DPP6: variants seen among roughly 807,000 people sequenced by gnomAD.
DPP6 encodes the protein A-type potassium channel modulatory protein DPP6.
Under a neutral mutation model 122.6 loss-of-function variants are expected in DPP6, and 69 were observed. That is an observed-to-expected ratio of 0.56 (90% CI 0.46 to 0.69). The LOEUF (loss-of-function observed/expected upper bound fraction) is 0.69, where lower values mean the gene tolerates loss of function less well. Ranked by LOEUF, DPP6 falls within the 30% of genes least tolerant of loss-of-function variation. The pLI is 0.00. For missense variants in DPP6, 928 were observed against 1,116.9 expected (o/e 0.83, Z 2.41); for synonymous variants, 418 against 433.1 (o/e 0.97, Z 0.43).
intron 4 of DPP6, among the ~76,000 whole-genome samples, chr7:154,551,189 T>G (rs1057321721): frequency 3.9e-5 from 6 of 152,236 alleles, no homozygotes; most frequent in Non-Finnish European, 2.9e-5. Flanking sequence ...ACCTGAAAAC[T>G]GACCAAATTG....
chr7:154,342,993 G>A (rs562471923), intron 1 of DPP6, among the ~76,000 whole-genome samples: 1 of 152,348 alleles, frequency 6.6e-6, no homozygotes, highest in South Asian at 2.1e-4. Flanking sequence ...TGCCTCACTT[G>A]AAGGCATTTC....
At chr7:154,170,242 T>C (rs2150727005) in intron 1 of DPP6, among the ~76,000 whole-genome samples, 1 of 152,272 alleles carries the variant, frequency 6.6e-6, no homozygotes. Context: ...TAGCCCATCC[T>C]AAAAAGGCCC....
At chr7:153,951,508 G>C (rs776002595) in intron 1 of DPP6, among the ~76,000 whole-genome samples, 19 of 152,152 alleles carry the variant, frequency 1.2e-4, no homozygotes, top group Non-Finnish European at 2.5e-4. Flanking sequence ...CTCAAATGGA[G>C]TGACCCAGGT....
chr7:154,083,545 A>G (rs1305605238), intron 1 of DPP6, among the ~76,000 whole-genome samples: 2 of 150,250 alleles, frequency 1.3e-5, no homozygotes, highest in African/African-American at 2.5e-5. Context: ...TTAATACCCT[A>G]AGCCACAGCT....
chr7:154,834,941 G>A (rs1328443722), intron 16 of DPP6, among the ~76,000 whole-genome samples: 2 of 152,140 alleles, frequency 1.3e-5, no homozygotes, highest in African/African-American at 2.4e-5. Flanking sequence ...TCGCTGGCTT[G>A]GGGGTGTCTG....
chr7:153,851,387 G>A, the DPP6 span, among the ~76,000 whole-genome samples: 1 of 152,224 alleles, frequency 6.6e-6, no homozygotes, highest in East Asian at 1.9e-4. Flanking sequence ...ATGGTACCCT[G>A]ATTAAGTATA....
chr7:154,141,346 C>A (rs1429915181), intron 1 of DPP6, among the ~76,000 whole-genome samples: 1 of 152,238 alleles, frequency 6.6e-6, no homozygotes, highest in Non-Finnish European at 1.5e-5. Flanking sequence ...CCCACCCCTC[C>A]TCAGTGCGAC....
intron 1 of DPP6, among the ~76,000 whole-genome samples, chr7:154,071,872 G>A (rs1442189013): frequency 6.6e-6 from 1 of 152,120 alleles, no homozygotes; most frequent in Non-Finnish European, 1.5e-5. Context: ...TGTGATACAA[G>A]GGAAAAATGC....
At chr7:154,045,215 A>C (rs1397159321) in intron 1 of DPP6, among the ~76,000 whole-genome samples, 2 of 150,732 alleles carry the variant, frequency 1.3e-5, no homozygotes, top group Non-Finnish European at 1.5e-5. Flanking sequence ...AAAAAAAAAA[A>C]CACTCCCTCC....
intron 1 of DPP6, among the ~76,000 whole-genome samples, chr7:153,980,169 G>C (rs1482381464): frequency 6.6e-6 from 1 of 152,064 alleles, no homozygotes; most frequent in Non-Finnish European, 1.5e-5. Context: ...GAATCCGTCT[G>C]GTCCTGGGCT....
intron 1 of DPP6, among the ~76,000 whole-genome samples, chr7:154,157,369 G>A (rs1375907405): frequency 6.6e-6 from 1 of 152,240 alleles, no homozygotes; most frequent in African/African-American, 2.4e-5. Context: ...TAGCCTGGCA[G>A]AGACTTCAGA....
intron 1 of DPP6, among the ~76,000 whole-genome samples, chr7:153,979,758 G>C (rs1471691941): frequency 6.6e-6 from 1 of 152,076 alleles, no homozygotes; most frequent in Non-Finnish European, 1.5e-5. Context: ...GCATGAGGGG[G>C]TGTTGAATTT....
chr7:153,813,934 A>T, the DPP6 span, among the ~76,000 whole-genome samples: 1 of 152,138 alleles, frequency 6.6e-6, no homozygotes, highest in Non-Finnish European at 1.5e-5. Context: ...CCTTTGTCAG[A>T]TGAGTAGGTT....
intron 1 of DPP6, among the ~76,000 whole-genome samples, chr7:154,200,988 T>G (rs1292929571): frequency 1.3e-5 from 2 of 152,152 alleles, no homozygotes; most frequent in Non-Finnish European, 2.9e-5. Flanking sequence ...ATGACATCCC[T>G]TTGAGATTAA....
At position 154,522,111 on chromosome 7, in the gene DPP6, C is replaced by G. The variant is rs571581246; in HGVS notation, c.458-18421C>G. ...CCCGGGTAGCTGGGACTACAGGCAC[C>G]TGCCACCACGCCCGGCTAATTTTTG... On this transcript the variant is annotated intron_variant, in intron 3 of 25. Coordinates refer to ENST00000377770, the MANE Select transcript of DPP6 (RefSeq NM_130797.4). 2.3e-3 allele frequency among the ~76,000 whole-genome samples: 352 copies of G among 152,190 alleles called. 4 individuals carry two copies. The highest frequency in any genetic ancestry group is 6.0e-3 in the South Asian group (29 of 4,820).
the DPP6 span, among the ~76,000 whole-genome samples, chr7:153,817,856 T>G: frequency 6.6e-6 from 1 of 151,230 alleles, no homozygotes; most frequent in Non-Finnish European, 1.5e-5. Context: ...ACATGGCACA[T>G]GTATACATAT....
intron 1 of DPP6, among the ~76,000 whole-genome samples, chr7:154,106,864 C>G (rs140234331): frequency 1.3e-5 from 2 of 152,076 alleles, no homozygotes; most frequent in Admixed American, 1.3e-4. Context: ...AACGCACTGA[C>G]GCTGAGTGCT....
rs988026916 is a variant in DPP6 at position 154,444,896 on chromosome 7, A to C, written c.244-1318A>C. On this transcript the variant is annotated intron_variant, in intron 1 of 25. Transcript: ENST00000377770. ...TGCTCACGGATAGTCTTACTTTTTA[A>C]GTTCTAAAAAGCTACTCTCTGTAGA... Among the ~76,000 whole-genome samples the C allele has an allele frequency of 2.5e-4, 38 of 152,324 alleles. 1 individual carries two copies. The highest frequency in any genetic ancestry group is 8.9e-4 in the African/African-American group (37 of 41,580).
At chr7:154,664,561 T>C (rs2131074334) in intron 6 of DPP6, among the ~76,000 whole-genome samples, 1 of 152,306 alleles carries the variant, frequency 6.6e-6, no homozygotes, top group South Asian at 2.1e-4. Flanking sequence ...GGATCTTTGC[T>C]GAGAGCCACC....
Sources: allele counts gnomAD v4.1 joint callset (sites outside exome capture counted in the v4.1 genomes callset), GRCh38; gene constraint gnomAD v4.1.1; transcripts MANE v1.5; gene names NCBI Gene and HGNC (gene_info 2026-07-23, HGNC 2026-07-21).